TSEN2: variants seen among roughly 807,000 people sequenced by gnomAD.
TSEN2 encodes the protein tRNA-splicing endonuclease subunit Sen2.
A neutral mutation model predicts 59.2 loss-of-function variants in TSEN2; 54 were observed. That is an observed-to-expected ratio of 0.91 (90% CI 0.73 to 1.14). The LOEUF is 1.14. Among genes scored for constraint, TSEN2 ranks in the 50% most tolerant of loss-of-function variants. The probability of loss-of-function intolerance (pLI) is 0.00; values close to 1 mark genes in which losing one functional copy is unlikely to be tolerated. For synonymous variants in TSEN2, 195 were observed against 198.2 expected (o/e 0.98, Z 0.14); for missense variants, 636 against 576.2 (o/e 1.10, Z -1.06).
upstream of TSEN2, among the ~76,000 whole-genome samples, chr3:12,483,133 T>C (rs2052254768): frequency 6.6e-6 from 1 of 152,152 alleles, no homozygotes; most frequent in Non-Finnish European, 1.5e-5. Context: ...CCCAGCACTT[T>C]GGGAGGCCGA....
chr3:12,503,410 C>G lies in TSEN2; in HGVS notation c.457C>G (p.Leu153Val), dbSNP rs1369135289. 3 of 1,614,194 alleles carry G rather than the reference C, an allele frequency of 1.9e-6. No individual in the cohort carries two copies. Among genetic ancestry groups the G allele is most frequent in the African/African-American group, 2.7e-5 (2 of 75,044 alleles). Residue 153 changes from leucine (L) to valine (V), a missense_variant, in exon 5 of 12, where the codon CTT becomes GTT. By Grantham distance (32) the Leu-to-Val change is conservative. Transcript: ENST00000284995. The stretch of plus-strand genomic sequence containing the variant: ...TGAAGAGGCTCAAGTGCATGACAAG[C>G]TTAACTCTGGAATGGTTTCCAACAT... ...RNEEAQVHDK[L>V]NSGMVSNMEG...
chr3:12,505,424 A>G, intron 6 of TSEN2, 193 bp downstream of exon 6: 1 of 580,874 alleles, frequency 1.7e-6, no homozygotes, highest in East Asian at 2.9e-5. Flanking sequence ...ATCAGTTCTA[A>G]GATATGTGTT....
intron 3 of TSEN2, among the ~76,000 whole-genome samples, chr3:12,495,567 T>C (rs2053663995): frequency 6.6e-6 from 1 of 152,210 alleles, no homozygotes; most frequent in Non-Finnish European, 1.5e-5. Context: ...TTGTTCAACC[T>C]AATCGGATAG....
chr3:12,505,783 CAAAAAAAAAAA>C (rs34334319), intron 6 of TSEN2, among the ~76,000 whole-genome samples: 2 of 84,684 alleles, frequency 2.4e-5, no homozygotes, highest in African/African-American at 8.8e-5. Context: ...AACTCTGTCT[CAAAAAAAAAAA>C]AAAAAAAAAA....
At chr3:12,504,603 C>T (rs1348791850) in intron 5 of TSEN2, among the ~76,000 whole-genome samples, 2 of 152,014 alleles carry the variant, frequency 1.3e-5, no homozygotes, top group South Asian at 2.1e-4. Context: ...AAAAGCAACA[C>T]GTAAAATAAA....
downstream of TSEN2, among the ~76,000 whole-genome samples, chr3:12,536,591 A>G (rs2125276780): frequency 6.6e-6 from 1 of 152,322 alleles, no homozygotes; most frequent in Middle Eastern, 3.4e-3. Context: ...ACTTAATCTA[A>G]GGAGTCTCAG....
At chr3:12,502,480 G>A (rs1454064934) in intron 4 of TSEN2, among the ~76,000 whole-genome samples, 1 of 152,032 alleles carries the variant, frequency 6.6e-6, no homozygotes, top group Non-Finnish European at 1.5e-5. Flanking sequence ...AGGTTACAGT[G>A]AGCCGAAATC....
At chr3:12,518,913 A>T in intron 7 of TSEN2, 146 bp from the exon 8 acceptor site, 2 of 804,838 alleles carry the variant, frequency 2.5e-6, no homozygotes, top group Non-Finnish European at 4.0e-6. Flanking sequence ...TGTCTCAAAA[A>T]TAAAATAAAT....
intron 3 of TSEN2, among the ~76,000 whole-genome samples, chr3:12,493,040 CT>C (rs1393161455): frequency 6.6e-6 from 1 of 152,054 alleles, no homozygotes; most frequent in African/African-American, 2.4e-5. Flanking sequence ...AATATTTGCC[CT>C]TTTGTGTCTG....
chr3:12,498,675 G>T (rs2053996480), intron 4 of TSEN2, among the ~76,000 whole-genome samples: 1 of 152,170 alleles, frequency 6.6e-6, no homozygotes, highest in African/African-American at 2.4e-5. Context: ...GGGTATGCTT[G>T]TGGGGATTAA....
chr3:12,504,859 G>C (rs750650097), intron 5 of TSEN2, among the ~76,000 whole-genome samples: 2 of 151,998 alleles, frequency 1.3e-5, no homozygotes, highest in African/African-American at 2.4e-5. Flanking sequence ...AAATTAGCCA[G>C]GCATGGTGGC....
Position 12,532,724 on chromosome 3 carries a change from A to G in TSEN2, c.*3A>G, listed in dbSNP as rs1346945515. 4 of 1,614,106 alleles carry G rather than the reference A, an allele frequency of 2.5e-6. No individual in the cohort carries two copies. The highest frequency in any genetic ancestry group is 8.5e-7 in the Non-Finnish European group (1 of 1,179,964). ...GGAGTGACCAAGACGATCTTTAACA[A>G]TTCAACCTCAAATTTCTAATTTCAC... On this transcript the variant is annotated 3_prime_UTR_variant, in exon 12 of 12. Coordinates refer to ENST00000284995, the MANE Select transcript of TSEN2 (RefSeq NM_025265.4).
At chr3:12,487,518 G>A (rs115803554) in intron 1 of TSEN2, among the ~76,000 whole-genome samples, 380 of 152,092 alleles carry the variant, frequency 2.5e-3, no homozygotes, top group African/African-American at 8.7e-3. Context: ...TTAAAATTCC[G>A]AATGTAATGT....
At chr3:12,484,448 T>C (rs2052375431), upstream of TSEN2, 1 of 152,382 alleles carries the variant, frequency 6.6e-6, no homozygotes, top group African/African-American at 2.4e-5. Context: ...GCCGCACTGC[T>C]TGACGGCAGC....
intron 3 of TSEN2, among the ~76,000 whole-genome samples, chr3:12,494,668 TG>T (rs921462768): frequency 6.7e-6 from 1 of 149,708 alleles, no homozygotes; most frequent in Non-Finnish European, 1.5e-5. Context: ...CCCAAAGTGC[TG>T]GGATTACAGG....
intron 6 of TSEN2, chr3:12,506,960 C>T (rs1184790522): frequency 2.8e-5 from 18 of 652,294 alleles, no homozygotes; most frequent in South Asian, 2.0e-4. Context: ...TTTGGGAGGC[C>T]GAGGCGGGTG....
chr3:12,525,360 A>G (rs1170264201), intron 8 of TSEN2, among the ~76,000 whole-genome samples: 1 of 152,216 alleles, frequency 6.6e-6, no homozygotes, highest in Non-Finnish European at 1.5e-5. Flanking sequence ...AAGTAGTGAT[A>G]CCATAAGTAC....
At chr3:12,526,912 G>C (rs1450265151) in intron 8 of TSEN2, among the ~76,000 whole-genome samples, 1 of 152,174 alleles carries the variant, frequency 6.6e-6, no homozygotes, top group Non-Finnish European at 1.5e-5. Context: ...ATGTGTGTTT[G>C]ATTACAGGTA....
chr3:12,496,394 G>A (rs1019027890), intron 3 of TSEN2, 124 bp from the exon 4 acceptor site: 8 of 1,025,986 alleles, frequency 7.8e-6, no homozygotes, highest in African/African-American at 1.6e-5. Context: ...ATTACTGACT[G>A]GACAGTAAAC....
Sources: gnomAD v4.1 joint callset for allele counts (sites outside exome capture counted in the v4.1 genomes callset) on GRCh38, gnomAD v4.1.1 for gene constraint, MANE v1.5 for transcripts, NCBI Gene and HGNC (gene_info 2026-07-23, HGNC 2026-07-21) for gene names.